HECW2: variants seen among roughly 807,000 people sequenced by gnomAD.
HECW2 encodes the protein E3 ubiquitin-protein ligase HECW2.
Under a neutral mutation model 175.2 loss-of-function variants are expected in HECW2, and 61 were observed. That is an observed-to-expected ratio of 0.35 (90% CI 0.28 to 0.43). The LOEUF (loss-of-function observed/expected upper bound fraction) is 0.43. Among genes scored for constraint, HECW2 ranks in the 20% least tolerant of loss-of-function variants. The pLI is 1.00. For missense variants in HECW2, 1,524 were observed against 2,000.5 expected, an observed-to-expected ratio of 0.76 and a Z score of 4.54; for synonymous variants, 671 against 731.0, an observed-to-expected ratio of 0.92 and a Z score of 1.32.
chr2:196,220,994 A>T, intron 24 of HECW2, 53 bp from the exon 25 acceptor site: 3 of 1,558,642 alleles, frequency 1.9e-6, no homozygotes, highest in Non-Finnish European at 2.6e-6. Flanking sequence ...TTAATGTTAT[A>T]ACAACATTAC....
intron 28 of HECW2, among the ~76,000 whole-genome samples, chr2:196,215,292 C>G (rs1361327240): frequency 1.3e-5 from 2 of 152,130 alleles, no homozygotes; most frequent in South Asian, 4.1e-4. Flanking sequence ...CATGAACACC[C>G]AATTATCACA....
At chr2:196,521,086 C>A (rs78680147) in intron 1 of HECW2, among the ~76,000 whole-genome samples, 1 of 151,846 alleles carries the variant, frequency 6.6e-6, no homozygotes, top group African/African-American at 2.4e-5. Flanking sequence ...AACAAGCTAA[C>A]GTAGTAGGTA....
intron 1 of HECW2, among the ~76,000 whole-genome samples, chr2:196,544,410 G>A (rs1292218767): frequency 2.6e-5 from 4 of 152,156 alleles, no homozygotes; most frequent in African/African-American, 9.7e-5. Context: ...GAAGGGGAGA[G>A]ACGGACAGTC....
chr2:196,400,907 C>A (rs1250875985), intron 2 of HECW2, among the ~76,000 whole-genome samples: 2 of 151,678 alleles, frequency 1.3e-5, no homozygotes, highest in Non-Finnish European at 2.9e-5. Flanking sequence ...TTATACAAAA[C>A]CAAAAAGAGT....
At chr2:196,255,486 C>T (rs1689021892) in intron 18 of HECW2, among the ~76,000 whole-genome samples, 1 of 152,026 alleles carries the variant, frequency 6.6e-6, no homozygotes, top group African/African-American at 2.4e-5. Context: ...ACATGAAACA[C>T]AAAAATCAAT....
intron 1 of HECW2, among the ~76,000 whole-genome samples, chr2:196,463,390 C>T (rs1345644908): frequency 1.3e-5 from 2 of 148,498 alleles, no homozygotes; most frequent in African/African-American, 5.0e-5. Flanking sequence ...CCACCCACCA[C>T]CACCCTCTAC....
At chr2:196,366,674 T>G (rs939089818) in intron 2 of HECW2, among the ~76,000 whole-genome samples, 1 of 152,224 alleles carries the variant, frequency 6.6e-6, no homozygotes, top group African/African-American at 2.4e-5. Flanking sequence ...GAGAATTTCA[T>G]ATTAACATCA....
At chr2:196,320,477 CT>C in intron 7 of HECW2, 38 bp from the exon 8 acceptor site, 7 of 1,349,862 alleles carry the variant, frequency 5.2e-6, no homozygotes, top group African/African-American at 1.4e-5. Flanking sequence ...CCTGACTACG[CT>C]GGAGTCAGCC....
intron 2 of HECW2, among the ~76,000 whole-genome samples, chr2:196,387,467 C>G (rs1318983963): frequency 6.6e-6 from 1 of 152,150 alleles, no homozygotes; most frequent in Admixed American, 6.6e-5. Flanking sequence ...GGAATAGGTC[C>G]TCACTGGACA....
chr2:196,348,489 A>T (rs10208263), intron 2 of HECW2, among the ~76,000 whole-genome samples: 2,455 of 151,914 alleles, frequency 0.016, 61 homozygotes, highest in African/African-American at 0.051. Flanking sequence ...CAAAAAAAAA[A>T]TTTTTTTAAT....
intron 25 of HECW2, 56 bp from the exon 26 acceptor site, chr2:196,220,209 A>G (rs1399718003): frequency 8.8e-7 from 1 of 1,139,056 alleles, no homozygotes; most frequent in Non-Finnish European, 1.3e-6. Flanking sequence ...AATATCAGCT[A>G]TAATTAAGCC....
At chr2:196,281,288 A>T (rs1690173918) in intron 14 of HECW2, among the ~76,000 whole-genome samples, 1 of 152,116 alleles carries the variant, frequency 6.6e-6, no homozygotes, top group Non-Finnish European at 1.5e-5. Flanking sequence ...CAAAAACTTG[A>T]ATTTCCAACC....
rs556418709 is a variant in HECW2, at chr2:196,251,899, G to T, written c.3529+2021C>A. Among the ~76,000 whole-genome samples the T allele has an allele frequency of 2.6e-5, 4 of 152,118 alleles. No individual in the cohort carries two copies. In the South Asian group the frequency reaches 8.3e-4, roughly 32 times the overall value. On this transcript the variant is annotated intron_variant, in intron 19 of 28. Coordinates refer to ENST00000644978, the MANE Select transcript of HECW2 (RefSeq NM_001348768.2). ...TTATACATTTTCAGTGGCTTCACAT[G>T]GACAATAGAATAGGGCTGGCTGGGC... is the stretch of plus-strand genomic sequence containing the variant.
chr2:196,517,193 C>T (rs978914877), intron 1 of HECW2, among the ~76,000 whole-genome samples: 9 of 152,200 alleles, frequency 5.9e-5, no homozygotes, highest in Non-Finnish European at 5.9e-5. Flanking sequence ...TAATATCCCT[C>T]AGGCTCATTA....
chr2:196,388,818 G>A (rs1319807808), intron 2 of HECW2, among the ~76,000 whole-genome samples: 1 of 152,182 alleles, frequency 6.6e-6, no homozygotes, highest in East Asian at 1.9e-4. Flanking sequence ...AAGTGAAAAT[G>A]TTAAGATTAT....
chr2:196,410,212 T>C (rs78833607), intron 2 of HECW2, among the ~76,000 whole-genome samples: 1,720 of 152,336 alleles, frequency 0.011, 30 homozygotes, highest in African/African-American at 0.039. Context: ...TTTGTAAATA[T>C]GATCTTTGTT....
chr2:196,550,624 G>C (rs1239179081), intron 1 of HECW2, among the ~76,000 whole-genome samples: 1 of 152,016 alleles, frequency 6.6e-6, no homozygotes, highest in Non-Finnish European at 1.5e-5. Context: ...AAATACACAG[G>C]TAAAGGGATA....
intron 14 of HECW2, among the ~76,000 whole-genome samples, chr2:196,286,387 C>CATATATATATATACATATATATAT (rs1690387917): frequency 7.3e-6 from 1 of 137,604 alleles, no homozygotes. Flanking sequence ...AGATGGAGGT[C>CATATATATATATACATATATATAT]ATATATATAT....
intron 14 of HECW2, among the ~76,000 whole-genome samples, chr2:196,284,475 G>A (rs1490654739): frequency 6.6e-6 from 1 of 152,218 alleles, no homozygotes; most frequent in Non-Finnish European, 1.5e-5. Context: ...GCAATCCCTT[G>A]GTGTGAGTTT....
Sources: allele counts gnomAD v4.1 joint callset (sites outside exome capture counted in the v4.1 genomes callset), GRCh38; gene constraint gnomAD v4.1.1; transcripts MANE v1.5; gene names NCBI Gene and HGNC (gene_info 2026-07-23, HGNC 2026-07-21).